Variants in APC observed in about 807,000 individuals in gnomAD.
The protein encoded by APC is adenomatous polyposis coli protein.
Under a neutral mutation model 247.0 loss-of-function variants are expected in APC, and 72 were observed. The observed-to-expected ratio is 0.29, with a 90% CI of 0.24 to 0.35. APC has a LOEUF of 0.35. Ranked by LOEUF, APC falls within the 10% of genes least tolerant of loss-of-function variation. The pLI, the probability that APC is intolerant of heterozygous loss-of-function variation, is 1.00. For missense variants in APC, 3,400 were observed against 3,360.7 expected (o/e 1.01, Z -0.29); for synonymous variants, 1,254 against 1,162.5 (o/e 1.08, Z -1.60).
intron 6 of APC, among the ~76,000 whole-genome samples, chr5:112,782,025 GT>G (rs1377885606): frequency 1.7e-4 from 26 of 152,298 alleles, no homozygotes; most frequent in African/African-American, 6.0e-4. Context: ...ATCATGCCCA[GT>G]GTATTAGTTT....
Position 112,780,883 on chromosome 5 carries a change from G to T in APC, c.625G>T (p.Asp209Tyr). ...AMEEQLGTCQ[D>Y]MEKRAQRRIA... ...GGAAGAACAACTAGGTACCTGCCAG[G>T]ATATGGAAAAACGAGCACAGGTAAG... Residue 209 changes from aspartate (D) to tyrosine (Y), a missense_variant, in exon 6 of 16, where the codon GAT (aspartate) becomes TAT (tyrosine). This residue lies in a region of APC where 372 missense variants were observed against 367.6 expected (regional missense o/e 1.01). Coordinates refer to ENST00000257430, the MANE Select transcript of APC (RefSeq NM_000038.6). 6.2e-7 allele frequency: 1 copy of T among 1,611,618 alleles called. No homozygotes were observed. The highest frequency in any genetic ancestry group is 1.3e-5 in the African/African-American group (1 of 74,976).
intron 8 of APC, among the ~76,000 whole-genome samples, chr5:112,803,705 T>C (rs911552307): frequency 1.3e-5 from 2 of 152,218 alleles, no homozygotes; most frequent in South Asian, 2.1e-4. Context: ...GACTCTAGAA[T>C]TGATAATTGA....
chr5:112,814,406 T>C (rs921246654), intron 8 of APC, among the ~76,000 whole-genome samples: 8 of 152,132 alleles, frequency 5.3e-5, no homozygotes, highest in African/African-American at 1.9e-4. Flanking sequence ...GTTTCCGATA[T>C]CCATTACGAG....
upstream of APC, among the ~76,000 whole-genome samples, chr5:112,734,868 G>A (rs76512527): frequency 6.3e-4 from 94 of 149,774 alleles, 1 homozygote; most frequent in East Asian, 0.017. Context: ...TCGGCTCACT[G>A]CAGCCCCCAC....
At chr5:112,796,829 T>C (rs757886379) in intron 7 of APC, among the ~76,000 whole-genome samples, 1 of 151,946 alleles carries the variant, frequency 6.6e-6, no homozygotes, top group Non-Finnish European at 1.5e-5. Context: ...GTTAGTTCTT[T>C]CCCCCCCATC....
chr5:112,717,921 T>TG (rs1751268484), intron 1 of APC, among the ~76,000 whole-genome samples: 1 of 130,778 alleles, frequency 7.6e-6, no homozygotes, highest in Non-Finnish European at 1.6e-5. Context: ...TTTTTTTTTT[T>TG]TTTTTTTTTT....
At chr5:112,716,243 T>C (rs761064782) in intron 1 of APC, among the ~76,000 whole-genome samples, 1 of 152,198 alleles carries the variant, frequency 6.6e-6, no homozygotes, top group Non-Finnish European at 1.5e-5. Flanking sequence ...CTAGTTCTAT[T>C]ACTAGTTTTG....
rs876658839 is a variant in APC at position 112,843,806 on chromosome 5, A to G, written c.8212A>G (p.Ile2738Val). ...TGCCCCTGACCAAAAAGGAACTGAG[A>G]TAAAACCAGGACAAAATAATCCTGT... Reference protein sequence around the residue: ...VDAPDQKGTEIKPGQNNPVPV... With the variant: ...VDAPDQKGTEVKPGQNNPVPV... Residue 2738 changes from isoleucine (I) to valine (V), a missense_variant, in exon 16 of 16, where the codon ATA becomes GTA. Coordinates refer to ENST00000257430, the MANE Select transcript of APC (RefSeq NM_000038.6). The surrounding 1 kb of genome is among the most constrained non-coding windows in gnomAD (Gnocchi z 4.8). The G allele has an allele frequency of 1.9e-6, 3 of 1,614,012 alleles. No homozygotes were observed. The highest frequency in any genetic ancestry group is 2.5e-6 in the Non-Finnish European group (3 of 1,179,982).
chr5:112,768,906 C>G (rs1310702777), intron 4 of APC, among the ~76,000 whole-genome samples: 1 of 152,052 alleles, frequency 6.6e-6, no homozygotes, highest in Non-Finnish European at 1.5e-5. Context: ...GTGTAGAACA[C>G]TAGAACTTAT....
chr5:112,762,671 TG>T (rs1755803753), intron 2 of APC, among the ~76,000 whole-genome samples: 1 of 152,176 alleles, frequency 6.6e-6, no homozygotes, highest in African/African-American at 2.4e-5. Flanking sequence ...GCCAGAATAG[TG>T]GTTACCTCTA....
At chr5:112,765,601 T>C (rs1756202405) in intron 2 of APC, among the ~76,000 whole-genome samples, 1 of 152,198 alleles carries the variant, frequency 6.6e-6, no homozygotes, top group Non-Finnish European at 1.5e-5. Context: ...CAAAGAACTA[T>C]GCTAGGAGCT....
At chr5:112,789,856 TA>T (rs948562277) in intron 6 of APC, among the ~76,000 whole-genome samples, 2 of 140,442 alleles carry the variant, frequency 1.4e-5, no homozygotes, top group African/African-American at 2.6e-5. Context: ...ACTTAAAGAA[TA>T]TTTTTTTTTT....
chr5:112,737,544 C>T (rs1397273276), upstream of APC, among the ~76,000 whole-genome samples: 1 of 152,250 alleles, frequency 6.6e-6, no homozygotes, highest in African/African-American at 2.4e-5. Context: ...TACTCTCCCT[C>T]CCACCTCCGG....
intron 1 of APC, among the ~76,000 whole-genome samples, chr5:112,748,316 A>G (rs1421159224): frequency 2.0e-5 from 3 of 152,186 alleles, no homozygotes. Context: ...TGTTAAAGAG[A>G]AAATTAAAAT....
At position 112,843,125 on chromosome 5, in the gene APC, C is replaced by T. The variant is rs72541815; in HGVS notation, c.7531C>T (p.Leu2511Phe). 12 of 1,613,908 alleles carry T rather than the reference C, an allele frequency of 7.4e-6. No homozygotes were observed. The highest frequency in any genetic ancestry group is 1.7e-5 in the Admixed American group (1 of 59,996). ...AGGWRKLPPN[L>F]SPTIEYNDGR... ...TGGATGGCGAAAACTCCCACCTAATCTCAGTCCCACTATAGAGTATAATGA... is the reference window on the plus strand; with the variant it reads ...TGGATGGCGAAAACTCCCACCTAATTTCAGTCCCACTATAGAGTATAATGA... The change falls in exon 16 of 16, where the codon CTC (leucine) becomes TTC (phenylalanine). Residue 2511 changes from leucine to phenylalanine, a missense_variant. Physicochemically the swap from Leu to Phe is conservative, Grantham distance 22. Around this residue, in one of 9 missense-constraint regions of APC, gnomAD observed 1,788 missense variants for 1,649.5 expected, o/e 1.08. Coordinates refer to ENST00000257430, the MANE Select transcript of APC (RefSeq NM_000038.6). This position sits in a 1 kb window ranked among gnomAD's most constrained non-coding sequence, Gnocchi z 4.8.
chr5:112,758,793 G>A (rs1190597925), intron 2 of APC, among the ~76,000 whole-genome samples: 2 of 151,774 alleles, frequency 1.3e-5, no homozygotes, highest in East Asian at 3.9e-4. Context: ...AGTAGAGACG[G>A]AGTTTTGCCA....
Position 112,840,901 on chromosome 5 carries a change from A to G in APC, c.5307A>G (p.Lys1769=). ...APNKNQLDGK[K]KKPTSPVKPI... is the part of the protein sequence containing the mutation. ...ACAAAAATCAGTTAGATGGTAAGAA[A>G]AAGAAACCAACTTCACCAGTAAAAC... The change falls in exon 16 of 16, where the codon AAA becomes AAG. Residue 1769 remains lysine (K), a synonymous_variant. Coordinates refer to ENST00000257430, the MANE Select transcript of APC (RefSeq NM_000038.6). This position sits in a 1 kb window ranked among gnomAD's most constrained non-coding sequence, Gnocchi z 4.1. The G allele has an allele frequency of 1.2e-6, 2 of 1,613,946 alleles. No homozygotes were observed. Among genetic ancestry groups the G allele is most frequent in the South Asian group, 1.1e-5 (1 of 91,088 alleles).
In APC at chr5:112,767,241, G is replaced by A. The variant is rs745394881; in HGVS notation, c.273G>A (p.Met91Ile). 1.9e-6 allele frequency: 3 copies of A among 1,614,148 alleles called. No individual in the cohort carries two copies. The South Asian group carries it at 3.3e-5, about 18-fold the overall frequency. ...CTGGAGTAAAACTGCGGTCAAAAAT[G>A]TCCCTCCGTTCTTATGGAAGCCGGG... The part of the protein sequence containing the change: ...NFPGVKLRSK[M>I]SLRSYGSREG... Residue 91 changes from methionine (M) to isoleucine (I), a missense_variant, in exon 4 of 16, where the codon ATG becomes ATA. Coordinates refer to ENST00000257430, the MANE Select transcript of APC (RefSeq NM_000038.6).
At chr5:112,708,822 A>G (rs1750684294) in intron 1 of APC, among the ~76,000 whole-genome samples, 1 of 152,184 alleles carries the variant, frequency 6.6e-6, no homozygotes, top group Non-Finnish European at 1.5e-5. Context: ...TATTTTCTAT[A>G]TGATTTAGTC....
Sources: gnomAD v4.1 joint callset for allele counts (sites outside exome capture counted in the v4.1 genomes callset) on GRCh38, gnomAD v4.1.1 for gene constraint, gnomAD v4.1.1 regional missense constraint, Gnocchi (gnomAD v3.1) non-coding constraint, MANE v1.5 for transcripts, NCBI Gene and HGNC (gene_info 2026-07-23, HGNC 2026-07-21) for gene names.